Variants in KCP observed in about 807,000 individuals in gnomAD.
KCP encodes the protein kielin/chordin-like protein.
A neutral mutation model predicts 212.7 loss-of-function variants in KCP; 194 were observed. The ratio of observed to expected loss-of-function variants is 0.91; its 90% CI spans 0.81 to 1.03. The LOEUF (loss-of-function observed/expected upper bound fraction) is 1.03. Ranked by LOEUF, KCP falls within the 50% of genes least tolerant of loss-of-function variation. The pLI is 0.00. For synonymous variants in KCP, 833 were observed against 865.3 expected, an observed-to-expected ratio of 0.96 and a Z score of 0.65; for missense variants, 2,080 against 2,162.5, an observed-to-expected ratio of 0.96 and a Z score of 0.76.
chr7:128,879,402 C>T, intron 37 of KCP, 120 bp downstream of exon 37: 2 of 791,744 alleles, frequency 2.5e-6, no homozygotes, highest in East Asian at 2.7e-5. Flanking sequence ...CTGTACCCCA[C>T]TCCTTGCCTT....
Position 128,885,144 on chromosome 7 carries a change from C to G in KCP, c.2993G>C (p.Cys998Ser), listed in dbSNP as rs755542311. The G allele has an allele frequency of 1.9e-6, 3 of 1,550,734 alleles. No homozygotes were observed. The African/African-American group carries it at 4.1e-5, about 21-fold the overall frequency. The change falls in exon 27 of 40, where the codon TGC becomes TCC. Residue 998 changes from cysteine to serine, a missense_variant. Physicochemically the swap from Cys to Ser is moderately radical, Grantham distance 112. Transcript: ENST00000610776. ...ATGGGGCCCTTGGCGGGGCTGGGCG[C>G]AAGAGCTGATGCACTGGATGCGTGC... ...TCARIQCISS[C>S]AQPRQGPHDC...
At chr7:128,878,776 G>T in intron 37 of KCP, 54 bp from the exon 38 acceptor site, 1 of 1,506,704 alleles carries the variant, frequency 6.6e-7, no homozygotes, top group Non-Finnish European at 8.9e-7. Flanking sequence ...GCCTTAAGAA[G>T]CCCAGGGTCC....
At chr7:128,892,377 A>T in intron 16 of KCP, 137 bp downstream of exon 16, 1 of 651,636 alleles carries the variant, frequency 1.5e-6, no homozygotes, top group East Asian at 2.8e-5. Flanking sequence ...TGAGTTCCAG[A>T]GAGTTCTAAG....
intron 26 of KCP, 87 bp from the exon 27 acceptor site, chr7:128,885,357 A>T: frequency 2.2e-5 from 30 of 1,364,708 alleles, no homozygotes; most frequent in Non-Finnish European, 2.9e-5. Flanking sequence ...TCAGCTAGGC[A>T]CGTGGCGCCA....
chr7:128,892,855 G>C lies in KCP; in HGVS notation c.1420+14C>G, dbSNP rs185330550. On this transcript the variant is annotated intron_variant, in intron 14 of 39. Coordinates refer to ENST00000610776, the MANE Select transcript of KCP (RefSeq NM_001366122.1). ...ATGCAGGGGAAGAAAGCCAGGATCA[G>C]CCCAGGCACTCACCAGGGGGCTGGG... 3.1e-4 allele frequency: 474 copies of C among 1,551,184 alleles called. 3 individuals are homozygous for C. The African/African-American group carries it at 6.2e-3, about 20-fold the overall frequency.
chr7:128,904,075 C>G lies in KCP; in HGVS notation c.635G>C (p.Cys212Ser). 6.4e-7 allele frequency: 1 copy of G among 1,551,506 alleles called. No individual in the cohort carries two copies. Among genetic ancestry groups the G allele is most frequent in the Non-Finnish European group, 8.7e-7 (1 of 1,146,928 alleles). Residue 212 changes from cysteine (C) to serine (S), a missense_variant, in exon 6 of 40, where the codon TGT becomes TCT. Transcript: ENST00000610776. ...GVTFLSSSNPCLQCTCLRSRV... is the reference protein window; with the variant it reads ...GVTFLSSSNPSLQCTCLRSRV... Reference sequence around the variant, plus strand: ...ACTCACCAGGCAGGTGCACTGTAGACAAGGGTTGGAGCTGGACAGGAAGGT... The same window carrying G: ...ACTCACCAGGCAGGTGCACTGTAGAGAAGGGTTGGAGCTGGACAGGAAGGT...
chr7:128,888,184 A>G (rs914736603), intron 22 of KCP, among the ~76,000 whole-genome samples: 24 of 151,590 alleles, frequency 1.6e-4, no homozygotes, highest in African/African-American at 5.6e-4. Flanking sequence ...ACATATACAC[A>G]CAGTCACACA....
chr7:128,896,248 C>T (rs1010551917), intron 8 of KCP, among the ~76,000 whole-genome samples: 16 of 152,060 alleles, frequency 1.1e-4, no homozygotes, highest in Middle Eastern at 3.2e-3. Flanking sequence ...TGCATATACC[C>T]GGGTAAATAA....
intron 11 of KCP, 67 bp downstream of exon 11, chr7:128,893,739 C>A: frequency 6.7e-7 from 1 of 1,483,802 alleles, no homozygotes. Context: ...GAAGCAAATC[C>A]CCCACACCTA....
Position 128,880,998 on chromosome 7 carries a change from T to A in KCP, c.3512A>T (p.His1171Leu), listed in dbSNP as rs1793296224. 2.5e-6 allele frequency: 1 copy of A among 398,794 alleles called. No individual in the cohort carries two copies. The highest frequency in any genetic ancestry group is 4.4e-5 in the Admixed American group (1 of 22,722). The allele number at this position is 398,794 out of a possible 1,614,324, so 24.7% of individuals were successfully genotyped here. Residue 1171 changes from histidine to leucine, a missense_variant and splice_region_variant, in exon 32 of 40, where the codon CAT becomes CTT. His to Leu is a moderately conservative substitution (Grantham distance 99). Transcript: ENST00000610776. ...PSNACIACTC[H>L]RGHVECHLEE... is the part of the protein sequence containing the mutation. ...CCTCCCAGGCCCACCCCAGCTCACA[T>A]GGCAGGTGCAGGCGATGCACGCATT...
At chr7:128,894,854 T>A (rs1211261721) in intron 8 of KCP, among the ~76,000 whole-genome samples, 1 of 152,176 alleles carries the variant, frequency 6.6e-6, no homozygotes, top group Non-Finnish European at 1.5e-5. Flanking sequence ...GTGATCCACC[T>A]GTCTTGGTCT....
intron 8 of KCP, among the ~76,000 whole-genome samples, chr7:128,895,510 C>A (rs978713965): frequency 6.6e-6 from 1 of 152,114 alleles, no homozygotes; most frequent in African/African-American, 2.4e-5. Context: ...AGAGGGAGGA[C>A]GTGGTTGTGT....
chr7:128,886,296 C>T (rs1008979490), intron 26 of KCP, among the ~76,000 whole-genome samples, 168 bp downstream of exon 26: 21 of 150,522 alleles, frequency 1.4e-4, no homozygotes, highest in African/African-American at 4.6e-4. Context: ...TGGGCAGTCC[C>T]GGACAGGGAG....
chr7:128,877,896 A>C, intron 38 of KCP, 106 bp from the exon 39 acceptor site: 1 of 973,622 alleles, frequency 1.0e-6, no homozygotes, highest in Non-Finnish European at 1.5e-6. Flanking sequence ...TTAGTCCCCA[A>C]AACCTCCCTA....
chr7:128,910,137 T>C (rs1474249315), intron 1 of KCP, among the ~76,000 whole-genome samples: 4 of 152,082 alleles, frequency 2.6e-5, no homozygotes, highest in Non-Finnish European at 5.9e-5. Context: ...CAGAAAGAGC[T>C]CCGAGTGGCA....
chr7:128,895,329 G>T (rs60794860), intron 8 of KCP, among the ~76,000 whole-genome samples: 14,457 of 152,202 alleles, frequency 0.095, 2,317 homozygotes, highest in African/African-American at 0.33. Flanking sequence ...AAACAAGGGG[G>T]CTGGTGTGGC....
chr7:128,880,990 A>G lies in KCP; in HGVS notation c.3513+7T>C. ...TCCTCCACCCTCCCAGGCCCACCCC[A>G]GCTCACATGGCAGGTGCAGGCGATG... On this transcript the variant is annotated splice_region_variant and intron_variant, in intron 32 of 39. Transcript: ENST00000610776. 2.5e-6 allele frequency: 1 copy of G among 398,850 alleles called. No individual in the cohort carries two copies. The allele number at this position is 398,850 out of a possible 1,614,324, so 24.7% of individuals were successfully genotyped here. A position where few individuals can be genotyped will look rare whatever the true frequency, so the allele number is the denominator to read the frequency against.
At chr7:128,892,845 G>A in intron 14 of KCP, 24 bp downstream of exon 14, 1 of 1,551,096 alleles carries the variant, frequency 6.4e-7, no homozygotes, top group Non-Finnish European at 8.7e-7. Context: ...GGGGAAGAAA[G>A]CCAGGATCAG....
intron 5 of KCP, 150 bp downstream of exon 5, chr7:128,906,129 T>C (rs1050144663): frequency 2.3e-5 from 15 of 658,246 alleles, no homozygotes; most frequent in Non-Finnish European, 3.8e-5. Flanking sequence ...ATTTGCTGAT[T>C]TGTGCATGGG....
Sources: gnomAD v4.1 joint callset for allele counts (sites outside exome capture counted in the v4.1 genomes callset) on GRCh38, gnomAD v4.1.1 for gene constraint, MANE v1.5 for transcripts, NCBI Gene and HGNC (gene_info 2026-07-23, HGNC 2026-07-21) for gene names.